PTPRM: variants seen among roughly 807,000 people sequenced by gnomAD.
PTPRM encodes receptor-type tyrosine-protein phosphatase mu.
Under a neutral mutation model 186.7 loss-of-function variants are expected in PTPRM, and 47 were observed. The observed-to-expected ratio is 0.25, with a 90% confidence interval of 0.20 to 0.32. The LOEUF is 0.32. PTPRM is among the 10% of genes least tolerant of loss of function. The pLI is 1.00. For missense variants in PTPRM, 1,494 were observed against 1,865.0 expected, an observed-to-expected ratio of 0.80 and a Z score of 3.66; for synonymous variants, 668 against 674.9, an observed-to-expected ratio of 0.99 and a Z score of 0.16.
chr18:8,114,156 G>A (rs1430854764), intron 12 of PTPRM, among the ~76,000 whole-genome samples: 1 of 151,770 alleles, frequency 6.6e-6, no homozygotes, highest in Non-Finnish European at 1.5e-5. Context: ...TAAAGAAATG[G>A]GAACTGAAGA....
At chr18:7,954,550 T>G (rs1305743504) in intron 6 of PTPRM, among the ~76,000 whole-genome samples, 1 of 152,218 alleles carries the variant, frequency 6.6e-6, no homozygotes, top group Non-Finnish European at 1.5e-5. Context: ...AAGGAAACAA[T>G]TTAATGATAT....
intron 1 of PTPRM, among the ~76,000 whole-genome samples, chr18:7,618,594 A>G (rs1208212878): frequency 6.6e-6 from 1 of 152,208 alleles, no homozygotes; most frequent in Admixed American, 6.5e-5. Flanking sequence ...GTTTGCCCAC[A>G]TCTACTATCT....
chr18:8,146,556 C>G (rs2092892407), intron 14 of PTPRM, among the ~76,000 whole-genome samples: 1 of 151,620 alleles, frequency 6.6e-6, no homozygotes, highest in African/African-American at 2.4e-5. Flanking sequence ...GATATTAGCC[C>G]TTTGTCAGAT....
At chr18:7,738,589 C>G (rs1157131847) in intron 1 of PTPRM, among the ~76,000 whole-genome samples, 3 of 147,058 alleles carry the variant, frequency 2.0e-5, no homozygotes, top group African/African-American at 7.4e-5. Context: ...GCGCCCGCCA[C>G]CACACCCGGC....
intron 14 of PTPRM, among the ~76,000 whole-genome samples, chr18:8,144,506 C>T (rs1336359729): frequency 6.6e-6 from 1 of 152,122 alleles, no homozygotes; most frequent in African/African-American, 2.4e-5. Context: ...CCTGTAGTCT[C>T]AGCTACTGGT....
intron 7 of PTPRM, among the ~76,000 whole-genome samples, chr18:7,988,674 T>C (rs771175809): frequency 6.6e-6 from 1 of 152,190 alleles, no homozygotes; most frequent in Non-Finnish European, 1.5e-5. Flanking sequence ...GTTTTCCACG[T>C]GTCTGACTTA....
At chr18:8,135,217 C>T (rs16952916) in intron 13 of PTPRM, among the ~76,000 whole-genome samples, 3,740 of 152,222 alleles carry the variant, frequency 0.025, 136 homozygotes, top group African/African-American at 0.085. Flanking sequence ...GATTCCACCA[C>T]GTTTGCCTCT....
intron 19 of PTPRM, among the ~76,000 whole-genome samples, chr18:8,289,653 G>A (rs1006788533): frequency 7.7e-6 from 1 of 129,890 alleles, no homozygotes; most frequent in South Asian, 2.4e-4. Flanking sequence ...TATATAGGCG[G>A]CAAACCTCAA....
intron 1 of PTPRM, among the ~76,000 whole-genome samples, chr18:7,711,788 T>C (rs943940064): frequency 1.3e-5 from 2 of 151,912 alleles, no homozygotes; most frequent in Non-Finnish European, 2.9e-5. Flanking sequence ...CCTAAATTCC[T>C]CCTCTCTGGG....
intron 1 of PTPRM, among the ~76,000 whole-genome samples, chr18:7,762,677 A>G (rs2041833477): frequency 1.3e-5 from 2 of 152,112 alleles, no homozygotes; most frequent in African/African-American, 4.8e-5. Flanking sequence ...GTTTGAGGGA[A>G]TGGGTCAAAT....
intron 14 of PTPRM, among the ~76,000 whole-genome samples, chr18:8,212,650 T>G (rs1368608601): frequency 6.6e-6 from 1 of 150,954 alleles, no homozygotes; most frequent in Non-Finnish European, 1.5e-5. Context: ...GCAAAAAAAT[T>G]TTTTTAATTA....
At chr18:7,738,846 A>C (rs1455809368) in intron 1 of PTPRM, among the ~76,000 whole-genome samples, 1 of 152,106 alleles carries the variant, frequency 6.6e-6, no homozygotes. Flanking sequence ...CAGGTGTTGC[A>C]GTTTTTGGTG....
intron 1 of PTPRM, among the ~76,000 whole-genome samples, chr18:7,752,643 A>G (rs149906674): frequency 0.02 from 3,033 of 151,972 alleles, 98 homozygotes; most frequent in African/African-American, 0.069. Context: ...GGGTTTCACC[A>G]TGTTGTCCAG....
chr18:7,984,973 A>G (rs570307946), intron 7 of PTPRM, among the ~76,000 whole-genome samples: 133 of 118,768 alleles, frequency 1.1e-3, no homozygotes, highest in Middle Eastern at 0.01. Flanking sequence ...ACATATAATT[A>G]TATATACATA....
chr18:7,842,930 G>GTATATATATATATATA (rs1555616949), intron 2 of PTPRM, among the ~76,000 whole-genome samples: 7 of 100,924 alleles, frequency 6.9e-5, no homozygotes, highest in Admixed American at 3.4e-4. Context: ...GTGTGTGTGT[G>GTATATATATATATATA]TATATATATA....
chr18:7,859,906 G>A (rs542283197), intron 2 of PTPRM, among the ~76,000 whole-genome samples: 42 of 152,126 alleles, frequency 2.8e-4, no homozygotes, highest in Non-Finnish European at 4.9e-4. Flanking sequence ...CCATTTACAT[G>A]GAAGCCAGGA....
intron 1 of PTPRM, among the ~76,000 whole-genome samples, chr18:7,618,768 C>T (rs557894758): frequency 6.6e-6 from 1 of 152,144 alleles, no homozygotes; most frequent in African/African-American, 2.4e-5. Flanking sequence ...AGCACCATAA[C>T]GCTTGTTAAG....
intron 14 of PTPRM, among the ~76,000 whole-genome samples, chr18:8,192,456 A>T (rs2093721821): frequency 6.6e-6 from 1 of 152,200 alleles, no homozygotes. Context: ...AAGACTAATG[A>T]GATTATGTCA....
intron 1 of PTPRM, among the ~76,000 whole-genome samples, chr18:7,677,112 A>G (rs1393031778): frequency 6.6e-6 from 1 of 152,058 alleles, no homozygotes; most frequent in Non-Finnish European, 1.5e-5. Context: ...TCTTTTTCTC[A>G]TCTTAAAATC....
Sources: gnomAD v4.1 joint callset for allele counts (sites outside exome capture counted in the v4.1 genomes callset) on GRCh38, gnomAD v4.1.1 for gene constraint, MANE v1.5 for transcripts, NCBI Gene and HGNC (gene_info 2026-07-23, HGNC 2026-07-21) for gene names.